Variants in RAB28 observed in about 807,000 individuals in gnomAD.
RAB28 encodes RAB28, member RAS oncogene family.
In RAB28, 24 loss-of-function variants were observed where a neutral mutation model predicts 31.7. The ratio of observed to expected loss-of-function variants is 0.76; its 90% confidence interval spans 0.55 to 1.06. The LOEUF is 1.06. RAB28 is among the 50% of genes least tolerant of loss of function. The pLI, the probability that RAB28 is intolerant of heterozygous loss-of-function variation, is 0.00. For missense variants in RAB28, 254 were observed against 258.5 expected, an observed-to-expected ratio of 0.98 and a Z score of 0.12; for synonymous variants, 100 against 90.4, an observed-to-expected ratio of 1.11 and a Z score of -0.60.
chr4:13,444,359 T>C (rs1369793879), intron 4 of RAB28, among the ~76,000 whole-genome samples: 4 of 152,038 alleles, frequency 2.6e-5, no homozygotes, highest in Non-Finnish European at 5.9e-5. Flanking sequence ...CTGAATAGTA[T>C]TCGTGTGCGT....
intron 3 of RAB28, among the ~76,000 whole-genome samples, chr4:13,468,808 T>C (rs1307627205): frequency 6.7e-6 from 1 of 148,634 alleles, no homozygotes; most frequent in East Asian, 2.0e-4. Flanking sequence ...ATCAATAAAA[T>C]TGACAAACCT....
At chr4:13,407,271 C>G (rs1470776443) in intron 4 of RAB28, among the ~76,000 whole-genome samples, 1 of 152,148 alleles carries the variant, frequency 6.6e-6, no homozygotes, top group African/African-American at 2.4e-5. Context: ...AGAATCCTTT[C>G]CCCATTACTT....
Position 13,399,441 on chromosome 4 carries a change from A to G in RAB28, c.392-17847T>C, listed in dbSNP as rs150111938. 1.7e-3 allele frequency among the ~76,000 whole-genome samples: 262 copies of G among 152,362 alleles called. 2 individuals are homozygous for G. The highest frequency in any genetic ancestry group is 6.1e-3 in the African/African-American group (252 of 41,586). ...GTACATGTCACCTGATAATATGCCT[A>G]GCTGTCTAAGATACATAGCAGAGAA... On this transcript the variant is annotated intron_variant, in intron 4 of 6. Transcript: ENST00000330852.
At chr4:13,483,311 G>C (rs1169767231) in intron 1 of RAB28, among the ~76,000 whole-genome samples, 2 of 152,136 alleles carry the variant, frequency 1.3e-5, no homozygotes, top group South Asian at 2.1e-4. Context: ...CATTCGAACA[G>C]GGGATCCCTT....
chr4:13,378,178 A>T (rs922505131), intron 5 of RAB28, among the ~76,000 whole-genome samples: 2 of 152,206 alleles, frequency 1.3e-5, no homozygotes, highest in African/African-American at 4.8e-5. Flanking sequence ...TTGGCTGGAG[A>T]CATAAGAAAA....
At chr4:13,465,394 A>AGGG (rs987235357) in intron 3 of RAB28, among the ~76,000 whole-genome samples, 2 of 151,930 alleles carry the variant, frequency 1.3e-5, no homozygotes, top group Non-Finnish European at 2.9e-5. Flanking sequence ...GAAAGAAGCT[A>AGGG]GAAGAATAGG....
intron 4 of RAB28, among the ~76,000 whole-genome samples, chr4:13,385,389 G>A: frequency 6.6e-6 from 1 of 152,026 alleles, no homozygotes; most frequent in East Asian, 1.9e-4. Context: ...TCATCCCCAA[G>A]ACACATAATC....
intron 4 of RAB28, among the ~76,000 whole-genome samples, chr4:13,404,111 C>T (rs377392049): frequency 1.7e-4 from 26 of 152,070 alleles, no homozygotes; most frequent in African/African-American, 6.0e-4. Context: ...CGGGCCAGTA[C>T]CTCATGCCTC....
chr4:13,374,874 C>T (rs1276036765), intron 6 of RAB28, among the ~76,000 whole-genome samples: 1 of 152,116 alleles, frequency 6.6e-6, no homozygotes, highest in Non-Finnish European at 1.5e-5. Flanking sequence ...GATTATAGGT[C>T]TAATAAAATT....
At chr4:13,453,542 C>T (rs1251592796) in intron 4 of RAB28, among the ~76,000 whole-genome samples, 3 of 152,044 alleles carry the variant, frequency 2.0e-5, no homozygotes, top group Non-Finnish European at 4.4e-5. Context: ...AGTCTGGTGA[C>T]AATGAATTCT....
chr4:13,396,780 A>G (rs1393771223), intron 4 of RAB28, among the ~76,000 whole-genome samples: 5 of 152,050 alleles, frequency 3.3e-5, no homozygotes, highest in Non-Finnish European at 5.9e-5. Flanking sequence ...TACCTTATCA[A>G]TCTGTGTAAG....
At chr4:13,471,744 T>C (rs1716131613) in intron 3 of RAB28, among the ~76,000 whole-genome samples, 1 of 152,026 alleles carries the variant, frequency 6.6e-6, no homozygotes, top group African/African-American at 2.4e-5. Context: ...ATCCATGAAT[T>C]TCTCAGAAAT....
At chr4:13,395,997 T>C (rs1560275793) in intron 4 of RAB28, among the ~76,000 whole-genome samples, 1 of 152,058 alleles carries the variant, frequency 6.6e-6, no homozygotes, top group Non-Finnish European at 1.5e-5. Flanking sequence ...GTATTATTAA[T>C]GTCTACTTGC....
At chr4:13,461,193 T>C (rs1715573646) in intron 3 of RAB28, among the ~76,000 whole-genome samples, 1 of 152,170 alleles carries the variant, frequency 6.6e-6, no homozygotes, top group African/African-American at 2.4e-5. Flanking sequence ...TTTCATGAGG[T>C]CAAGCATTTA....
chr4:13,471,866 T>A (rs147188425), intron 3 of RAB28, among the ~76,000 whole-genome samples: 9 of 152,172 alleles, frequency 5.9e-5, no homozygotes, highest in African/African-American at 2.2e-4. Context: ...AGTCGATATG[T>A]ACCTTCAAGA....
At chr4:13,475,803 C>A (rs1471934120) in intron 2 of RAB28, among the ~76,000 whole-genome samples, 1 of 151,482 alleles carries the variant, frequency 6.6e-6, no homozygotes. Flanking sequence ...AAAACTTGTA[C>A]AAATCGAATT....
chr4:13,371,905 A>C, intron 6 of RAB28: 1 of 1,471,550 alleles, frequency 6.8e-7, no homozygotes, highest in Non-Finnish European at 9.3e-7. Flanking sequence ...ATACAAGCTT[A>C]ACCCTGATAT....
chr4:13,440,756 A>G (rs1714370966), intron 4 of RAB28, among the ~76,000 whole-genome samples: 1 of 152,152 alleles, frequency 6.6e-6, no homozygotes, highest in Non-Finnish European at 1.5e-5. Context: ...ATTTGGAGAC[A>G]GGGCCTTTAA....
At chr4:13,446,439 G>GT (rs1714702506) in intron 4 of RAB28, among the ~76,000 whole-genome samples, 1 of 152,200 alleles carries the variant, frequency 6.6e-6, no homozygotes, top group South Asian at 2.1e-4. Context: ...CTGCTGCTCA[G>GT]TGCCTGTCCA....
Sources: gnomAD v4.1 joint callset for allele counts (sites outside exome capture counted in the v4.1 genomes callset) on GRCh38, gnomAD v4.1.1 for gene constraint, MANE v1.5 for transcripts, NCBI Gene and HGNC (gene_info 2026-07-23, HGNC 2026-07-21) for gene names.